The following STK39 variants were observed in gnomAD, a reference collection of about 807,000 sequenced individuals.
STK39 encodes the protein serine/threonine kinase 39.
In STK39, 20 loss-of-function variants were observed where a neutral mutation model predicts 77.8. The ratio of observed to expected loss-of-function variants is 0.26; its 90% confidence interval spans 0.18 to 0.37. The LOEUF is 0.37. Among genes scored for constraint, STK39 ranks in the 10% least tolerant of loss-of-function variants. The pLI, the probability that STK39 is intolerant of heterozygous loss-of-function variation, is 1.00. For synonymous variants in STK39, 246 were observed against 234.1 expected (o/e 1.05, Z -0.47); for missense variants, 479 against 656.5 (o/e 0.73, Z 2.95).
rs202026740 is a variant in STK39, at chr2:168,033,259, A to AG, written c.1377-16165_1377-16164insC. Among the ~76,000 whole-genome samples, 955 of 152,330 alleles carry AG rather than the reference A, an allele frequency of 6.3e-3. 17 individuals carry two copies. The highest frequency in any genetic ancestry group is 0.022 in the African/African-American group (911 of 41,572). On this transcript the variant is annotated intron_variant, in intron 14 of 17. Transcript: ENST00000355999. ...GTAACACCAGCAAAAAGAAAAAAAA[A>AG]AAAGAGTTTCTGGGCTGAGAGCATT...
intron 1 of STK39, among the ~76,000 whole-genome samples, chr2:168,246,762 G>A (rs1014767334): frequency 8.5e-5 from 13 of 152,124 alleles, no homozygotes; most frequent in Non-Finnish European, 1.6e-4. Context: ...GCAGAGGAGC[G>A]GCTGCGCCCG....
intron 1 of STK39, among the ~76,000 whole-genome samples, chr2:168,228,210 A>C (rs1574574396): frequency 6.6e-6 from 1 of 152,272 alleles, no homozygotes; most frequent in Admixed American, 6.5e-5. Context: ...CTCAAGAAAT[A>C]AAATCACTTT....
At chr2:168,182,507 A>C (rs1689105664) in intron 1 of STK39, among the ~76,000 whole-genome samples, 1 of 152,114 alleles carries the variant, frequency 6.6e-6, no homozygotes, top group African/African-American at 2.4e-5. Flanking sequence ...ATGTTTGAAC[A>C]CTCTTTGGGC....
At chr2:168,013,177 T>C (rs773618559) in intron 15 of STK39, among the ~76,000 whole-genome samples, 7 of 152,234 alleles carry the variant, frequency 4.6e-5, no homozygotes, top group Non-Finnish European at 7.3e-5. Context: ...TGTTGGACTA[T>C]TAAGATGAGC....
At chr2:168,186,790 T>C (rs1333551721) in intron 1 of STK39, among the ~76,000 whole-genome samples, 2 of 152,338 alleles carry the variant, frequency 1.3e-5, no homozygotes, top group East Asian at 1.9e-4. Context: ...ACTGTTTATA[T>C]GGCACCCAAG....
chr2:168,182,038 T>C lies in STK39; in HGVS notation c.261A>G (p.Glu87=). ...AGTTGATCCGTTTTATTGCTACACG[T>C]TCTTGCCTGGGTTTGCATAGGGCTG... ...VQAALCKPRQ[E]RVAIKRINLE... is the part of the protein sequence containing the mutation. Residue 87 remains glutamate (E), a synonymous_variant, in exon 2 of 18, where the codon GAA becomes GAG. Transcript: ENST00000355999. The C allele has an allele frequency of 6.2e-7, 1 of 1,614,086 alleles. No individual in the cohort carries two copies. Among genetic ancestry groups the C allele is most frequent in the Non-Finnish European group, 8.5e-7 (1 of 1,179,946 alleles).
chr2:167,963,781 C>T (rs919441506), intron 17 of STK39, among the ~76,000 whole-genome samples: 3 of 152,148 alleles, frequency 2.0e-5, no homozygotes, highest in African/African-American at 7.2e-5. Flanking sequence ...TTTACTGTAA[C>T]TAATCATTTA....
intron 5 of STK39, among the ~76,000 whole-genome samples, chr2:168,141,919 G>A (rs539281997): frequency 2.2e-4 from 34 of 152,028 alleles, no homozygotes; most frequent in African/African-American, 8.2e-4. Context: ...CTGGTTTCCT[G>A]AGTAGAAATA....
intron 10 of STK39, among the ~76,000 whole-genome samples, chr2:168,101,975 A>G (rs985193289): frequency 6.6e-6 from 1 of 152,014 alleles, no homozygotes; most frequent in African/African-American, 2.4e-5. Context: ...GCAACCATTA[A>G]TCTACTTCTA....
chr2:168,092,303 A>G (rs1259522374), intron 10 of STK39, among the ~76,000 whole-genome samples: 1 of 152,216 alleles, frequency 6.6e-6, no homozygotes, highest in East Asian at 1.9e-4. Context: ...AATGCTCCAG[A>G]CAGGAGTTTT....
intron 1 of STK39, among the ~76,000 whole-genome samples, chr2:168,234,493 TA>T (rs1690547004): frequency 6.6e-6 from 1 of 152,208 alleles, no homozygotes; most frequent in South Asian, 2.1e-4. Flanking sequence ...CAGCCCCGCA[TA>T]AGGGACCACC....
At chr2:168,073,568 T>C (rs922583468) in intron 12 of STK39, among the ~76,000 whole-genome samples, 2 of 152,112 alleles carry the variant, frequency 1.3e-5, no homozygotes, top group African/African-American at 4.8e-5. Context: ...GGTCAATGTG[T>C]TCCACGTGGG....
At chr2:168,243,788 G>A (rs1012960733) in intron 1 of STK39, among the ~76,000 whole-genome samples, 1 of 152,164 alleles carries the variant, frequency 6.6e-6, no homozygotes, top group African/African-American at 2.4e-5. Flanking sequence ...TTCATTCCCT[G>A]TTTAGCAAAT....
chr2:168,162,286 C>CAA (rs5836174), intron 4 of STK39, among the ~76,000 whole-genome samples: 5 of 85,690 alleles, frequency 5.8e-5, no homozygotes, highest in Non-Finnish European at 1.2e-4. Context: ...AACTTGGTCT[C>CAA]AAAAAAAAAA....
intron 1 of STK39, among the ~76,000 whole-genome samples, chr2:168,186,870 TG>T (rs1689222261): frequency 1.3e-5 from 2 of 152,148 alleles, no homozygotes; most frequent in Admixed American, 6.5e-5. Context: ...AAGATTAGAC[TG>T]GTTTAAAAGA....
chr2:167,973,706 A>C (rs1389551609), intron 16 of STK39, among the ~76,000 whole-genome samples: 1 of 152,218 alleles, frequency 6.6e-6, no homozygotes, highest in East Asian at 1.9e-4. Flanking sequence ...GTAAGATGGC[A>C]TAGGAATGCA....
At chr2:168,203,334 G>A (rs1327938111) in intron 1 of STK39, among the ~76,000 whole-genome samples, 1 of 151,712 alleles carries the variant, frequency 6.6e-6, no homozygotes, top group East Asian at 1.9e-4. Context: ...CAGTCATGGA[G>A]AACTAAAACT....
intron 10 of STK39, among the ~76,000 whole-genome samples, chr2:168,093,434 T>C (rs1276822260): frequency 6.6e-6 from 1 of 152,116 alleles, no homozygotes. Context: ...GAACTGCCCT[T>C]TATAAAACCA....
intron 14 of STK39, among the ~76,000 whole-genome samples, chr2:168,039,994 C>G (rs1685062173): frequency 6.6e-6 from 1 of 152,114 alleles, no homozygotes; most frequent in Non-Finnish European, 1.5e-5. Flanking sequence ...TCTATCCCTA[C>G]CTCAGACTCC....
Sources: gnomAD v4.1 joint callset for allele counts (sites outside exome capture counted in the v4.1 genomes callset) on GRCh38, gnomAD v4.1.1 for gene constraint, MANE v1.5 for transcripts, NCBI Gene and HGNC (gene_info 2026-07-23, HGNC 2026-07-21) for gene names.